HNF1A: variants seen among roughly 807,000 people sequenced by gnomAD.
HNF1A encodes HNF1 homeobox A, also known as hepatocyte nuclear factor 1-alpha.
Under a neutral mutation model 62.2 loss-of-function variants are expected in HNF1A, and 21 were observed. That is an observed-to-expected ratio of 0.34 (90% CI 0.24 to 0.49). The LOEUF is 0.49. Among genes scored for constraint, HNF1A ranks in the 20% least tolerant of loss-of-function variants. The pLI, the probability that HNF1A is intolerant of heterozygous loss-of-function variation, is 0.99. For synonymous variants in HNF1A, 374 were observed against 366.8 expected, an observed-to-expected ratio of 1.02 and a Z score of -0.22; for missense variants, 687 against 832.3, an observed-to-expected ratio of 0.83 and a Z score of 2.15.
chr12:120,997,486 C>A lies in HNF1A; in HGVS notation c.1322C>A (p.Thr441Lys), dbSNP rs371544082. Reference protein sequence around the residue: ...ASTLVIGLASTQAQSVPVINS... With the variant: ...ASTLVIGLASKQAQSVPVINS... ...CCTTCCACTCCAGGCCTGGCCTCCA[C>A]GCAGGCACAGAGTGTGCCGGTCATC... The change falls in exon 7 of 10, where the codon ACG becomes AAG. Residue 441 changes from threonine to lysine, a missense_variant. Physicochemically the swap from Thr to Lys is moderately conservative, Grantham distance 78 (BLOSUM62 -1). Around this residue, in one of 5 missense-constraint regions of HNF1A, gnomAD observed 408 missense variants for 455.3 expected, o/e 0.90. Coordinates refer to ENST00000257555, the MANE Select transcript of HNF1A (RefSeq NM_000545.8). 2.3e-5 allele frequency: 37 copies of A among 1,608,490 alleles called. No homozygotes were observed. Among genetic ancestry groups the A allele is most frequent in the Non-Finnish European group, 3.1e-5 (37 of 1,178,116 alleles).
chr12:120,997,137 G>A, intron 6 of HNF1A: 1 of 1,402,534 alleles, frequency 7.1e-7, no homozygotes, highest in Non-Finnish European at 9.3e-7. Flanking sequence ...TAGATAAGGA[G>A]CTGCTAGGAG....
At chr12:120,990,365 G>A (rs951265414) in intron 2 of HNF1A, among the ~76,000 whole-genome samples, 6 of 152,016 alleles carry the variant, frequency 3.9e-5, no homozygotes, top group African/African-American at 1.2e-4. Flanking sequence ...TCCTGACCTC[G>A]TGATCCGCCC....
chr12:120,989,498 G>C (rs1876706690), intron 2 of HNF1A, among the ~76,000 whole-genome samples: 1 of 152,056 alleles, frequency 6.6e-6, no homozygotes, highest in Non-Finnish European at 1.5e-5. Context: ...GACCTCAGGT[G>C]ATCCACCCAC....
rs1877513238 is a variant in HNF1A, at chr12:121,001,886, G to A, written c.*694G>A. ...AGCGATTCCCTCTCCCAGGCCCCAT[G>A]ACCTCCAGCTTTCCTGTATTTGTTC... On this transcript the variant is annotated 3_prime_UTR_variant, in exon 10 of 10. Coordinates refer to ENST00000257555, the MANE Select transcript of HNF1A (RefSeq NM_000545.8). 1 of 513,294 alleles carries A rather than the reference G, an allele frequency of 1.9e-6. No individual in the cohort carries two copies. Among genetic ancestry groups the A allele is most frequent in the African/African-American group, 1.9e-5 (1 of 53,382 alleles). 31.8% of individuals were successfully genotyped at this position (513,294 alleles called of 1,614,324 possible). A position where few individuals can be genotyped will look rare whatever the true frequency, so the allele number is the denominator to read the frequency against.
At position 121,001,139 on chromosome 12, in the gene HNF1A, C is replaced by T; in HGVS notation, c.1843C>T (p.His615Tyr). ...CCAGAGCCACCTGCTGCCATCCAAC[C>T]ACAGCGTCATCGAGACCTTCATCTC... Reference protein sequence around the residue: ...NGQSHLLPSNHSVIETFISTQ... With the variant: ...NGQSHLLPSNYSVIETFISTQ... Residue 615 changes from histidine to tyrosine, a missense_variant, in exon 10 of 10, where the codon CAC becomes TAC. Transcript: ENST00000257555. The T allele has an allele frequency of 6.2e-7, 1 of 1,614,126 alleles. No homozygotes were observed. Among genetic ancestry groups the T allele is most frequent in the Non-Finnish European group, 8.5e-7 (1 of 1,180,002 alleles).
At chr12:120,989,746 T>C (rs1470862675) in intron 2 of HNF1A, among the ~76,000 whole-genome samples, 1 of 152,168 alleles carries the variant, frequency 6.6e-6, no homozygotes, top group Non-Finnish European at 1.5e-5. Flanking sequence ...CATTTCAGGG[T>C]GCTGAGCTGA....
intron 1 of HNF1A, among the ~76,000 whole-genome samples, chr12:120,985,131 A>G (rs1296123592): frequency 6.6e-6 from 1 of 151,692 alleles, no homozygotes; most frequent in Non-Finnish European, 1.5e-5. Context: ...TTTTTTGTAG[A>G]AACAGGGTCC....
At chr12:120,991,596 A>G (rs56256645) in intron 2 of HNF1A, among the ~76,000 whole-genome samples, 2 of 50,534 alleles carry the variant, frequency 4.0e-5, no homozygotes, top group Non-Finnish European at 8.0e-5. Flanking sequence ...TCTGTCAAAT[A>G]AATGTATGTA....
chr12:121,000,348 T>C (rs1877370398), intron 9 of HNF1A: 1 of 157,354 alleles, frequency 6.4e-6, no homozygotes, highest in African/African-American at 2.4e-5. Context: ...ACCACCCCCA[T>C]TTTACAGATG....
Position 120,996,969 on chromosome 12 carries a change from A to G in HNF1A, c.1309+227A>G, listed in dbSNP as rs992594549. On this transcript the variant is annotated intron_variant, in intron 6 of 9. Coordinates refer to ENST00000257555, the MANE Select transcript of HNF1A (RefSeq NM_000545.8). This position sits in a 1 kb window ranked among gnomAD's most constrained non-coding sequence, Gnocchi z 4.5. ...GGGAGGCAGGCACTAAGCATAATAC[A>G]TCAATTCTGTGGTACCTCAGAAGGT... 2 of 1,501,002 alleles carry G rather than the reference A, an allele frequency of 1.3e-6. No individual in the cohort carries two copies. The highest frequency in any genetic ancestry group is 1.4e-5 in the African/African-American group (1 of 72,382). 93.0% of individuals were successfully genotyped at this position (1,501,002 alleles called of 1,614,324 possible).
At position 120,978,645 on chromosome 12, in the gene HNF1A, G is replaced by A. The variant is rs563304627; in HGVS notation, c.-124G>A. ...ACAGGGCTTGGCTAGTGGGGTTTTG[G>A]GGGGGCAGTGGGTGCAAGGAGTTTG... On this transcript the variant is annotated 5_prime_UTR_variant, in exon 1 of 10. Coordinates refer to ENST00000257555, the MANE Select transcript of HNF1A (RefSeq NM_000545.8). The A allele has an allele frequency of 8.6e-5, 80 of 926,554 alleles. No individual in the cohort carries two copies. The highest frequency in any genetic ancestry group is 2.0e-4 in the East Asian group (8 of 40,574). The allele number at this position is 926,554 out of a possible 1,614,324, so 57.4% of individuals were successfully genotyped here.
intron 6 of HNF1A, 107 bp from the exon 7 acceptor site, chr12:120,997,367 C>G: frequency 7.2e-7 from 1 of 1,381,954 alleles, no homozygotes; most frequent in Non-Finnish European, 9.6e-7. Context: ...CTGCCCCCTC[C>G]TCCAAACCAC....
Position 121,001,969 on chromosome 12 carries a change from C to T in HNF1A, c.*777C>T, listed in dbSNP as rs1877519475. 1.9e-6 allele frequency: 1 copy of T among 533,794 alleles called. No homozygotes were observed. Among genetic ancestry groups the T allele is most frequent in the Non-Finnish European group, 3.6e-6 (1 of 275,258 alleles). 33.1% of individuals were successfully genotyped at this position (533,794 alleles called of 1,614,324 possible). ...CCTCCTGCCTCTACTGGGAAGGCTACTTCGGGGCTGGGAAGTCGTCCTTAC... is the reference window on the plus strand; with the variant it reads ...CCTCCTGCCTCTACTGGGAAGGCTATTTCGGGGCTGGGAAGTCGTCCTTAC... On this transcript the variant is annotated 3_prime_UTR_variant, in exon 10 of 10. Transcript: ENST00000257555.
Position 120,978,695 on chromosome 12 carries a change from A to G in HNF1A, c.-74A>G. 2 of 1,447,468 alleles carry G rather than the reference A, an allele frequency of 1.4e-6. No homozygotes were observed. Among genetic ancestry groups the G allele is most frequent in the Non-Finnish European group, 1.9e-6 (2 of 1,033,358 alleles). 89.7% of individuals were successfully genotyped at this position (1,447,468 alleles called of 1,614,324 possible). On this transcript the variant is annotated 5_prime_UTR_variant, in exon 1 of 10. Transcript: ENST00000257555. ...GGTTTGTGTCTGCCGGCCGGCAGGCAAACGCAACCCACGCGGTGGGGGAGG... is the reference window on the plus strand; with the variant it reads ...GGTTTGTGTCTGCCGGCCGGCAGGCGAACGCAACCCACGCGGTGGGGGAGG...
chr12:120,996,617 G>A lies in HNF1A; in HGVS notation c.1184G>A (p.Gly395Asp), dbSNP rs1294792108. The change falls in exon 6 of 10, where the codon GGC (glycine) becomes GAC (aspartate). Residue 395 changes from glycine to aspartate, a missense_variant. By Grantham distance (94) the Gly-to-Asp change is moderately conservative. Transcript: ENST00000257555. This position sits in a 1 kb window ranked among gnomAD's most constrained non-coding sequence, Gnocchi z 4.5. ...CACAGCTTGGAGCAGACATCCCCAG[G>A]CCTCAACCAGCAGCCCCAGAACCTC... ...ALHSLEQTSP[G>D]LNQQPQNLIM... is the part of the protein sequence containing the mutation. The A allele has an allele frequency of 1.9e-6, 3 of 1,614,008 alleles. No individual in the cohort carries two copies. The highest frequency in any genetic ancestry group is 1.1e-5 in the South Asian group (1 of 91,072).
At chr12:120,994,749 C>T (rs1029260728) in intron 4 of HNF1A, among the ~76,000 whole-genome samples, 1 of 151,822 alleles carries the variant, frequency 6.6e-6, no homozygotes, top group Non-Finnish European at 1.5e-5. Context: ...CCATCCACTA[C>T]ATTCAACTCC....
intron 1 of HNF1A, among the ~76,000 whole-genome samples, chr12:120,985,121 T>C (rs913796548): frequency 1.3e-5 from 2 of 151,858 alleles, no homozygotes; most frequent in African/African-American, 4.8e-5. Context: ...AATTTTTCTA[T>C]TTTTTGTAGA....
chr12:120,999,086 T>C (rs1246584141), intron 7 of HNF1A, among the ~76,000 whole-genome samples, 182 bp from the exon 8 acceptor site: 2 of 152,170 alleles, frequency 1.3e-5, no homozygotes, highest in Non-Finnish European at 2.9e-5. Context: ...TTCCCTGTAA[T>C]GGGGAGAGGG....
At position 120,978,985 on chromosome 12, in the gene HNF1A, G is replaced by A. The variant is rs905788991; in HGVS notation, c.217G>A (p.Glu73Lys). ...GGGGGAGACTCGGGGCTCCGAGGAC[G>A]AGACGGACGACGATGGGGAAGACTT... ...GLGETRGSED[E>K]TDDDGEDFTP... Residue 73 changes from glutamate to lysine, a missense_variant, in exon 1 of 10, where the codon GAG becomes AAG. Physicochemically the swap from Glu to Lys is moderately conservative, Grantham distance 56. Around this residue, in one of 5 missense-constraint regions of HNF1A, gnomAD observed 159 missense variants for 154.4 expected, o/e 1.03. Transcript: ENST00000257555. 3.1e-6 allele frequency: 5 copies of A among 1,608,328 alleles called. No homozygotes were observed. Among genetic ancestry groups the A allele is most frequent in the Admixed American group, 3.4e-5 (2 of 58,766 alleles).
Sources: gnomAD v4.1 joint callset for allele counts (sites outside exome capture counted in the v4.1 genomes callset) on GRCh38, gnomAD v4.1.1 for gene constraint, gnomAD v4.1.1 regional missense constraint, Gnocchi (gnomAD v3.1) non-coding constraint, MANE v1.5 for transcripts, NCBI Gene and HGNC (gene_info 2026-07-23, HGNC 2026-07-21) for gene names.